The following WWOX variants were observed in gnomAD, a reference collection of about 807,000 sequenced individuals.
WWOX encodes the protein WW domain containing oxidoreductase.
Under a neutral mutation model 46.2 loss-of-function variants are expected in WWOX, and 69 were observed. That is an observed-to-expected ratio of 1.49 (90% CI 1.23 to 1.82). WWOX has a LOEUF of 1.82. Among genes scored for constraint, WWOX ranks in the 40% most tolerant of loss-of-function variants. The pLI is 0.00. For missense variants in WWOX, 919 were observed against 542.6 expected (o/e 1.69, Z -6.89); for synonymous variants, 359 against 202.6 (o/e 1.77, Z -6.56).
At chr16:78,968,802 T>C (rs563704353) in intron 8 of WWOX, among the ~76,000 whole-genome samples, 1 of 152,310 alleles carries the variant, frequency 6.6e-6, no homozygotes, top group South Asian at 2.1e-4. Context: ...ATTGTTTCAT[T>C]TTATTATGTT....
At chr16:78,635,062 C>T (rs1480421165) in intron 8 of WWOX, among the ~76,000 whole-genome samples, 1 of 152,096 alleles carries the variant, frequency 6.6e-6, no homozygotes, top group East Asian at 1.9e-4. Flanking sequence ...CATATTTCCC[C>T]CTCTTACAGA....
intron 8 of WWOX, among the ~76,000 whole-genome samples, chr16:79,032,124 A>G (rs1187726990): frequency 7.6e-5 from 11 of 145,194 alleles, no homozygotes; most frequent in Non-Finnish European, 1.2e-4. Flanking sequence ...AAATATGTGT[A>G]TATATATATT....
intron 8 of WWOX, among the ~76,000 whole-genome samples, chr16:79,035,496 T>A (rs767092428): frequency 2.0e-5 from 3 of 152,172 alleles, no homozygotes; most frequent in Non-Finnish European, 2.9e-5. Flanking sequence ...ATTTTATGAT[T>A]AGCAGTAGAG....
intron 8 of WWOX, among the ~76,000 whole-genome samples, chr16:78,935,692 A>C (rs1393057797): frequency 6.6e-6 from 1 of 152,044 alleles, no homozygotes; most frequent in Non-Finnish European, 1.5e-5. Flanking sequence ...CCGACATGGC[A>C]CATGTATACT....
At chr16:78,334,726 A>G (rs990563886) in intron 5 of WWOX, among the ~76,000 whole-genome samples, 6 of 151,846 alleles carry the variant, frequency 4.0e-5, no homozygotes, top group South Asian at 2.1e-4. Context: ...ACAAAATGCT[A>G]ACCCATATGG....
chr16:78,614,522 A>C (rs1476233027), intron 8 of WWOX, among the ~76,000 whole-genome samples: 3 of 152,196 alleles, frequency 2.0e-5, no homozygotes, highest in Non-Finnish European at 2.9e-5. Flanking sequence ...TGCTGGGCTC[A>C]CTTCTGAAGC....
At chr16:78,482,933 C>T (rs544097522) in intron 8 of WWOX, among the ~76,000 whole-genome samples, 13 of 152,168 alleles carry the variant, frequency 8.5e-5, no homozygotes, top group East Asian at 7.7e-4. Flanking sequence ...CATATCTGTT[C>T]GTAGAAGTGG....
chr16:79,183,224 A>G (rs1165147052), intron 8 of WWOX, among the ~76,000 whole-genome samples: 1 of 152,224 alleles, frequency 6.6e-6, no homozygotes, highest in South Asian at 2.1e-4. Context: ...CTGACCAGCT[A>G]GACTCTTTTC....
At chr16:78,494,998 C>G (rs1229848840) in intron 8 of WWOX, among the ~76,000 whole-genome samples, 3 of 152,126 alleles carry the variant, frequency 2.0e-5, no homozygotes, top group African/African-American at 2.4e-5. Flanking sequence ...TGGCGAAACC[C>G]AGGGGGTCAA....
At chr16:78,725,154 G>A (rs111866392) in intron 8 of WWOX, among the ~76,000 whole-genome samples, 1 of 151,820 alleles carries the variant, frequency 6.6e-6, no homozygotes, top group Non-Finnish European at 1.5e-5. Flanking sequence ...TTTATAAGGG[G>A]GAAACACCTT....
At chr16:78,983,103 C>A (rs571269770) in intron 8 of WWOX, among the ~76,000 whole-genome samples, 1 of 152,168 alleles carries the variant, frequency 6.6e-6, no homozygotes, top group African/African-American at 2.4e-5. Flanking sequence ...CTTTTGTAGA[C>A]TGACACTGAG....
chr16:78,825,926 G>C (rs773699842), intron 8 of WWOX: 10 of 766,778 alleles, frequency 1.3e-5, no homozygotes, highest in Admixed American at 6.3e-5. Flanking sequence ...AGATGAGGTA[G>C]TGCCCACCAC....
At chr16:78,591,906 A>C (rs2943769) in intron 8 of WWOX, among the ~76,000 whole-genome samples, 9,877 of 152,284 alleles carry the variant, frequency 0.065, 467 homozygotes, top group East Asian at 0.21. Flanking sequence ...GAAAACCACC[A>C]CTGACCACTC....
chr16:78,216,064 A>T (rs2036712020), intron 5 of WWOX, among the ~76,000 whole-genome samples: 1 of 152,208 alleles, frequency 6.6e-6, no homozygotes, highest in African/African-American at 2.4e-5. Flanking sequence ...ACACATCGCT[A>T]ACCAATGGTC....
intron 8 of WWOX, among the ~76,000 whole-genome samples, chr16:78,458,856 G>T (rs955302214): frequency 2.6e-5 from 4 of 152,052 alleles, no homozygotes; most frequent in African/African-American, 7.2e-5. Context: ...GGGGACAGGA[G>T]ACTGTGGGAT....
At chr16:78,578,451 G>A (rs2044960491) in intron 8 of WWOX, among the ~76,000 whole-genome samples, 1 of 150,396 alleles carries the variant, frequency 6.6e-6, no homozygotes, top group Non-Finnish European at 1.5e-5. Context: ...CACCATGCCT[G>A]GCTAATTTTA....
intron 8 of WWOX, among the ~76,000 whole-genome samples, chr16:78,636,547 C>A (rs1446302671): frequency 1.3e-5 from 2 of 152,146 alleles, no homozygotes; most frequent in African/African-American, 4.8e-5. Flanking sequence ...CCCTCCCCAT[C>A]CGCCATTCTC....
chr16:79,018,541 G>A (rs1567489375), intron 8 of WWOX, among the ~76,000 whole-genome samples: 1 of 152,134 alleles, frequency 6.6e-6, no homozygotes, highest in Non-Finnish European at 1.5e-5. Context: ...TTGAATCAGT[G>A]GTTTGGGGGA....
rs28550190 is a variant in WWOX at position 78,463,184 on chromosome 16, G to A, written c.1056+30432G>A. On this transcript the variant is annotated intron_variant, in intron 8 of 8. Coordinates refer to ENST00000566780, the MANE Select transcript of WWOX (RefSeq NM_016373.4). ...AAACGCGAAAGAAAATAAACAGGCA[G>A]CACTGAGGAATTATACACTTGAGCT... Among the ~76,000 whole-genome samples, 334 of 152,328 alleles carry A rather than the reference G, an allele frequency of 2.2e-3. 3 individuals carry two copies. Among genetic ancestry groups the A allele is most frequent in the African/African-American group, 7.6e-3 (316 of 41,570 alleles).
Sources: gnomAD v4.1 joint callset for allele counts (sites outside exome capture counted in the v4.1 genomes callset) on GRCh38, gnomAD v4.1.1 for gene constraint, MANE v1.5 for transcripts, NCBI Gene and HGNC (gene_info 2026-07-23, HGNC 2026-07-21) for gene names.